The following IL1RAPL2 variants were observed in gnomAD, a reference collection of about 807,000 sequenced individuals.
IL1RAPL2 encodes interleukin 1 receptor accessory protein like 2, also known as X-linked interleukin-1 receptor accessory protein-like 2.
A neutral mutation model predicts 44.1 loss-of-function variants in IL1RAPL2; 3 were observed. That is an observed-to-expected ratio of 0.07 (90% CI 0.03 to 0.18). The LOEUF (loss-of-function observed/expected upper bound fraction) is 0.18. Among genes scored for constraint, IL1RAPL2 ranks in the 10% least tolerant of loss-of-function variants. The probability of loss-of-function intolerance (pLI) is 1.00; values close to 1 mark genes in which losing one functional copy is unlikely to be tolerated. For missense variants in IL1RAPL2, 391 were observed against 496.4 expected (o/e 0.79, Z 2.02); for synonymous variants, 181 against 178.8 (o/e 1.01, Z -0.10).
chrX:105,068,643 C>T lies in IL1RAPL2; in HGVS notation c.83-126832C>T, dbSNP rs748715039. ...TGGTGGACAGCTGACTTCTCTTACC[C>T]AGCAGAAATGAATCTGTCAACTTTC... On this transcript the variant is annotated intron_variant, in intron 2 of 10. Coordinates refer to ENST00000372582, the MANE Select transcript of IL1RAPL2 (RefSeq NM_017416.2). 1.4e-3 allele frequency among the ~76,000 whole-genome samples: 161 copies of T among 111,756 alleles called. 11 individuals are homozygous for T. Among genetic ancestry groups the T allele is most frequent in the Non-Finnish European group, 3.8e-4 (20 of 53,160 alleles).
intron 2 of IL1RAPL2, among the ~76,000 whole-genome samples, chrX:104,788,584 C>T (rs138930610): frequency 2.3e-4 from 26 of 111,620 alleles, no homozygotes; most frequent in Admixed American, 2.1e-3. Context: ...GGGCAAATAG[C>T]GGCTATTTGA....
intron 2 of IL1RAPL2, among the ~76,000 whole-genome samples, chrX:104,769,316 T>C (rs187843049): frequency 9.0e-6 from 1 of 111,726 alleles, no homozygotes; most frequent in East Asian, 2.8e-4. Context: ...ATTGATGTTG[T>C]AACATTGTTG....
intron 2 of IL1RAPL2, among the ~76,000 whole-genome samples, chrX:104,695,802 G>A (rs1487796669): frequency 2.7e-5 from 3 of 111,014 alleles, no homozygotes; most frequent in South Asian, 3.9e-4. Context: ...AGTAGGTACT[G>A]CGGTTTTCGT....
chrX:105,686,800 T>G, intron 6 of IL1RAPL2, among the ~76,000 whole-genome samples: 1 of 111,734 alleles, frequency 8.9e-6, no homozygotes, highest in Middle Eastern at 4.6e-3. Flanking sequence ...GCACTTATTC[T>G]AAAATTGACT....
intron 2 of IL1RAPL2, among the ~76,000 whole-genome samples, chrX:104,703,088 C>T (rs1931305063): frequency 9.0e-6 from 1 of 111,414 alleles, no homozygotes; most frequent in South Asian, 3.8e-4. Context: ...TGGTCCCGAG[C>T]TGTGTCCAAA....
intron 6 of IL1RAPL2, among the ~76,000 whole-genome samples, chrX:105,577,287 A>G (rs2037057677): frequency 9.0e-6 from 1 of 111,641 alleles, no homozygotes; most frequent in Non-Finnish European, 1.9e-5. Context: ...ATTTACCTTA[A>G]TATTGTCATT....
intron 8 of IL1RAPL2, among the ~76,000 whole-genome samples, chrX:105,742,438 C>T (rs758942438): frequency 1.8e-5 from 2 of 111,330 alleles, no homozygotes; most frequent in Admixed American, 9.6e-5. Flanking sequence ...ACAGAAATAA[C>T]CTTATTTGAG....
intron 2 of IL1RAPL2, among the ~76,000 whole-genome samples, chrX:104,895,465 T>G (rs896237957): frequency 5.3e-5 from 6 of 112,751 alleles, no homozygotes; most frequent in African/African-American, 1.6e-4. Flanking sequence ...TTTGTTTACC[T>G]ACTCAAGCCT....
intron 6 of IL1RAPL2, among the ~76,000 whole-genome samples, chrX:105,604,184 C>T (rs1166879950): frequency 1.3e-4 from 14 of 109,949 alleles, no homozygotes; most frequent in African/African-American, 4.3e-4. Context: ...AAAATAGATA[C>T]GTAAAAAACA....
chrX:105,000,842 A>G (rs571796709), intron 2 of IL1RAPL2, among the ~76,000 whole-genome samples: 4 of 111,555 alleles, frequency 3.6e-5, no homozygotes, highest in African/African-American at 1.3e-4. Context: ...ATTAAAGACA[A>G]GAATCTATTA....
At chrX:105,196,085 C>T (rs997758307) in intron 3 of IL1RAPL2, among the ~76,000 whole-genome samples, 4 of 110,538 alleles carry the variant, frequency 3.6e-5, no homozygotes, top group African/African-American at 1.3e-4. Flanking sequence ...AGTTCAAGAC[C>T]GGCCTGACCA....
At chrX:104,980,153 A>G (rs769523841) in intron 2 of IL1RAPL2, among the ~76,000 whole-genome samples, 1 of 111,877 alleles carries the variant, frequency 8.9e-6, no homozygotes, top group African/African-American at 3.2e-5. Context: ...TTAAAAAATA[A>G]AGTAGATAGA....
intron 2 of IL1RAPL2, among the ~76,000 whole-genome samples, chrX:104,761,048 G>A (rs1364589457): frequency 1.8e-5 from 2 of 111,537 alleles, no homozygotes; most frequent in African/African-American, 6.5e-5. Flanking sequence ...CTTTTCCCCA[G>A]TATGTGTTCT....
chrX:104,798,816 T>C (rs1328895451), intron 2 of IL1RAPL2, among the ~76,000 whole-genome samples: 1 of 111,203 alleles, frequency 9.0e-6, no homozygotes, highest in Non-Finnish European at 1.9e-5. Flanking sequence ...GTACCTTTAA[T>C]TGTCCCTCCT....
At chrX:105,313,442 A>G (rs775198837) in intron 5 of IL1RAPL2, among the ~76,000 whole-genome samples, 4 of 111,896 alleles carry the variant, frequency 3.6e-5, no homozygotes, top group Admixed American at 9.5e-5. Flanking sequence ...TCCATCTTTT[A>G]GCCACATTTC....
intron 2 of IL1RAPL2, among the ~76,000 whole-genome samples, chrX:104,878,624 A>G (rs896571206): frequency 8.4e-4 from 94 of 111,722 alleles, no homozygotes; most frequent in Admixed American, 3.2e-3. Flanking sequence ...TTAAACTTAT[A>G]AGTGTGTCAA....
At chrX:105,683,760 A>G (rs188581632) in intron 6 of IL1RAPL2, among the ~76,000 whole-genome samples, 48 of 112,364 alleles carry the variant, frequency 4.3e-4, no homozygotes, top group African/African-American at 1.5e-3. Context: ...AGCAATTTCT[A>G]CTTCACAGAG....
intron 6 of IL1RAPL2, among the ~76,000 whole-genome samples, chrX:105,559,963 T>C (rs1374446843): frequency 3.6e-5 from 4 of 111,859 alleles, no homozygotes; most frequent in Non-Finnish European, 7.5e-5. Context: ...TTGCTCTCCA[T>C]AGGGCTTAGA....
rs1426773840 is a variant in IL1RAPL2 at position 105,739,343 on chromosome X, C to CAATT, written c.903-1203_903-1202insAATT. Among the ~76,000 whole-genome samples, 367 of 99,578 alleles carry CAATT rather than the reference C, an allele frequency of 3.7e-3. 1 individual carries two copies. Among genetic ancestry groups the CAATT allele is most frequent in the African/African-American group, 0.014 (353 of 25,054 alleles). The allele number at this position is 99,578 out of a possible 115,157, so 86.5% of individuals were successfully genotyped here. ...TTTTTTTAATGCCAGAAATGTTTTA[C>CAATT]GATTTATTTATTTATTTATTATACT... is the stretch of plus-strand genomic sequence containing the variant. On this transcript the variant is annotated intron_variant, in intron 7 of 10. Transcript: ENST00000372582.
Sources: gnomAD v4.1 joint callset for allele counts (sites outside exome capture counted in the v4.1 genomes callset) on GRCh38, gnomAD v4.1.1 for gene constraint, MANE v1.5 for transcripts, NCBI Gene and HGNC (gene_info 2026-07-23, HGNC 2026-07-21) for gene names.